Variants in PTPRT observed in about 807,000 individuals in gnomAD.
PTPRT encodes the protein receptor-type tyrosine-protein phosphatase T.
Under a neutral mutation model 176.8 loss-of-function variants are expected in PTPRT, and 56 were observed. That is an observed-to-expected ratio of 0.32 (90% confidence interval 0.26 to 0.40). The LOEUF (loss-of-function observed/expected upper bound fraction) is 0.40, where lower values mean the gene tolerates loss of function less well. PTPRT is among the 10% of genes least tolerant of loss of function. PTPRT has a pLI of 1.00. For synonymous variants in PTPRT, 783 were observed against 739.0 expected (o/e 1.06, Z -0.96); for missense variants, 1,540 against 1,908.2 (o/e 0.81, Z 3.60).
At chr20:42,802,646 T>G (rs1395122460) in intron 2 of PTPRT, among the ~76,000 whole-genome samples, 1 of 152,256 alleles carries the variant, frequency 6.6e-6, no homozygotes, top group Non-Finnish European at 1.5e-5. Flanking sequence ...TCTTCTAAGA[T>G]TGGAAAAGCT....
intron 27 of PTPRT, among the ~76,000 whole-genome samples, chr20:42,094,276 A>C (rs1001262620): frequency 6.6e-6 from 1 of 152,158 alleles, no homozygotes; most frequent in Admixed American, 6.5e-5. Flanking sequence ...CTTCAGCCAA[A>C]AGCGTAGGGT....
At chr20:42,312,109 T>C (rs892123987) in intron 12 of PTPRT, among the ~76,000 whole-genome samples, 2 of 152,268 alleles carry the variant, frequency 1.3e-5, no homozygotes, top group Non-Finnish European at 1.5e-5. Flanking sequence ...AGAGCCATTA[T>C]TGAGCATTAA....
chr20:42,928,500 G>T (rs999444015), intron 1 of PTPRT, among the ~76,000 whole-genome samples: 1 of 152,226 alleles, frequency 6.6e-6, no homozygotes, highest in Admixed American at 6.5e-5. Context: ...CACAGAACAT[G>T]TGTGTCTGTC....
chr20:42,677,133 G>A (rs1268103721), intron 7 of PTPRT, among the ~76,000 whole-genome samples: 1 of 152,122 alleles, frequency 6.6e-6, no homozygotes, highest in African/African-American at 2.4e-5. Context: ...GACTAAGGTA[G>A]TTCCAGAAAC....
chr20:42,883,929 G>A (rs1251449129), intron 2 of PTPRT, among the ~76,000 whole-genome samples: 2 of 132,832 alleles, frequency 1.5e-5, no homozygotes, highest in African/African-American at 2.9e-5. Flanking sequence ...CCAGTACACA[G>A]GCATGCACAC....
At chr20:42,982,076 T>C (rs1983315647) in intron 1 of PTPRT, among the ~76,000 whole-genome samples, 1 of 152,210 alleles carries the variant, frequency 6.6e-6, no homozygotes, top group Non-Finnish European at 1.5e-5. Flanking sequence ...TCATATAGCA[T>C]CACCAATATG....
At chr20:43,163,648 C>CA (rs1337638410) in intron 1 of PTPRT, among the ~76,000 whole-genome samples, 1 of 138,290 alleles carries the variant, frequency 7.2e-6, no homozygotes, top group Non-Finnish European at 1.6e-5. Context: ...AAAAACAAAA[C>CA]AAAACAAAAA....
chr20:42,481,354 G>C (rs1202421650), intron 7 of PTPRT, among the ~76,000 whole-genome samples: 1 of 152,120 alleles, frequency 6.6e-6, no homozygotes, highest in Non-Finnish European at 1.5e-5. Flanking sequence ...TAAGGTCGAA[G>C]ACTAGAGGTC....
rs1166018941 is a variant in PTPRT, at chr20:42,077,584, A to G, written c.*3295T>C. 4.5e-6 allele frequency: 1 copy of G among 219,982 alleles called. No homozygotes were observed. Among genetic ancestry groups the G allele is most frequent in the Non-Finnish European group, 9.1e-6 (1 of 109,622 alleles). The allele number at this position is 219,982 out of a possible 1,614,324, so 13.6% of individuals were successfully genotyped here. ...TTTCCTGGGTAAAGGAAAATGTTCA[A>G]ATTCCTGGGCACTGGTGCCCCATCT... is the stretch of plus-strand genomic sequence containing the variant. On this transcript the variant is annotated 3_prime_UTR_variant, in exon 31 of 31. Coordinates refer to ENST00000373187, the MANE Select transcript of PTPRT (RefSeq NM_007050.6).
chr20:42,749,028 T>C (rs1307762164), intron 6 of PTPRT, among the ~76,000 whole-genome samples: 1 of 152,196 alleles, frequency 6.6e-6, no homozygotes, highest in Non-Finnish European at 1.5e-5. Context: ...ATGTGCCTTT[T>C]ATCTTCACTC....
chr20:42,039,146 C>T, the PTPRT span, among the ~76,000 whole-genome samples: 1 of 151,970 alleles, frequency 6.6e-6, no homozygotes, highest in African/African-American at 2.4e-5. Flanking sequence ...CTTGTGGATC[C>T]AGTTACATGC....
At chr20:43,046,391 A>T (rs1377996017) in intron 1 of PTPRT, among the ~76,000 whole-genome samples, 1 of 151,834 alleles carries the variant, frequency 6.6e-6, no homozygotes, top group African/African-American at 2.4e-5. Flanking sequence ...ACACCGTGAA[A>T]CCCTGTCTCT....
chr20:42,508,199 A>C (rs2071884421), intron 7 of PTPRT, among the ~76,000 whole-genome samples: 1 of 98,706 alleles, frequency 1.0e-5, no homozygotes, highest in African/African-American at 4.5e-5. Context: ...TTAGATATGC[A>C]AAAAAAAAAA....
intron 14 of PTPRT, among the ~76,000 whole-genome samples, chr20:42,240,686 TCATGCATGCATGCATGCATGCATCCATC>T (rs1418601201): frequency 8.3e-6 from 1 of 121,008 alleles, no homozygotes; most frequent in Non-Finnish European, 1.8e-5. Flanking sequence ...ATCCATGCAT[TCATGCATGCATGCATGCATGCATCCATC>T]CATCCCATCC....
chr20:42,626,949 T>C (rs2074300645), intron 7 of PTPRT, among the ~76,000 whole-genome samples: 1 of 152,342 alleles, frequency 6.6e-6, no homozygotes, highest in Non-Finnish European at 1.5e-5. Flanking sequence ...CTGTCATTCA[T>C]TTAAATCACA....
rs1389895595 is a variant in PTPRT, at chr20:42,077,988, T to G, written c.*2891A>C. The G allele has an allele frequency of 5.2e-6, 1 of 192,636 alleles. No individual in the cohort carries two copies. The highest frequency in any genetic ancestry group is 6.1e-5 in the Admixed American group (1 of 16,320). The allele number at this position is 192,636 out of a possible 1,614,324, so 11.9% of individuals were successfully genotyped here. On this transcript the variant is annotated 3_prime_UTR_variant, in exon 31 of 31. Coordinates refer to ENST00000373187, the MANE Select transcript of PTPRT (RefSeq NM_007050.6). Reference sequence around the variant, plus strand: ...TCCCTCCACCCTCATCCTGTCTGGATGTACCAAGATCTAAGAAAATAGCAT... The same window carrying G: ...TCCCTCCACCCTCATCCTGTCTGGAGGTACCAAGATCTAAGAAAATAGCAT...
At chr20:42,544,314 T>C (rs2072635283) in intron 7 of PTPRT, among the ~76,000 whole-genome samples, 1 of 152,244 alleles carries the variant, frequency 6.6e-6, no homozygotes, top group African/African-American at 2.4e-5. Context: ...TGCTTCACCT[T>C]ACACTTCTGT....
chr20:42,250,565 G>A (rs533750352), intron 13 of PTPRT, among the ~76,000 whole-genome samples: 8 of 152,194 alleles, frequency 5.3e-5, no homozygotes, highest in African/African-American at 1.9e-4. Context: ...TTGTAACTTA[G>A]ACATGTTGGG....
chr20:42,494,848 A>G (rs1260196122), intron 7 of PTPRT, among the ~76,000 whole-genome samples: 1 of 152,138 alleles, frequency 6.6e-6, no homozygotes, highest in Non-Finnish European at 1.5e-5. Context: ...TCTATCCCCA[A>G]TCTTCTGTGA....
Sources: allele counts gnomAD v4.1 joint callset (sites outside exome capture counted in the v4.1 genomes callset), GRCh38; gene constraint gnomAD v4.1.1; transcripts MANE v1.5; gene names NCBI Gene and HGNC (gene_info 2026-07-23, HGNC 2026-07-21).